The following SERPINI1 variants were observed in gnomAD, a reference collection of about 807,000 sequenced individuals.
SERPINI1 encodes serpin family I member 1.
SERPINI1 carries 19 observed loss-of-function variants against 41.1 expected under a neutral mutation model. That is an observed-to-expected ratio of 0.46 (90% CI 0.32 to 0.68). The LOEUF (loss-of-function observed/expected upper bound fraction) is 0.68, where lower values mean the gene tolerates loss of function less well. SERPINI1 is among the 30% of genes least tolerant of loss of function. The probability of loss-of-function intolerance (pLI) is 0.03; values close to 1 mark genes in which losing one functional copy is unlikely to be tolerated. For missense variants in SERPINI1, 460 were observed against 479.2 expected, an observed-to-expected ratio of 0.96 and a Z score of 0.37; for synonymous variants, 138 against 156.6, an observed-to-expected ratio of 0.88 and a Z score of 0.89.
chr3:167,751,093 GC>G lies in SERPINI1; in HGVS notation c.-19+15271del, dbSNP rs532104920. Among the ~76,000 whole-genome samples, 8 of 152,134 alleles carry G rather than the reference GC, an allele frequency of 5.3e-5. No individual in the cohort carries two copies. In the South Asian group the frequency reaches 1.7e-3, roughly 32 times the overall value. On this transcript the variant is annotated intron_variant, in intron 1 of 8. Coordinates refer to ENST00000446050, the MANE Select transcript of SERPINI1 (RefSeq NM_001122752.2). ...ACTTTAAATTAGGCATTTCAAACTGGCAGTTTGACAGACTGAAATCTTTCTG... is the reference window on the plus strand; with the variant it reads ...ACTTTAAATTAGGCATTTCAAACTGGAGTTTGACAGACTGAAATCTTTCTG...
rs761573883 is a variant in SERPINI1 at position 167,807,391 on chromosome 3, T to C, written c.979+50T>C. On this transcript the variant is annotated intron_variant, in intron 6 of 8. Transcript: ENST00000446050. Reference sequence around the variant, plus strand: ...AAAATGTTATTCCATAAGAGCTTTATTAAATGATGATATTAAATCCTCTAT... The same window carrying C: ...AAAATGTTATTCCATAAGAGCTTTACTAAATGATGATATTAAATCCTCTAT... The C allele has an allele frequency of 3.4e-6, 4 of 1,175,886 alleles. No homozygotes were observed. The East Asian group carries it at 9.4e-5, about 28-fold the overall frequency. 72.8% of individuals were successfully genotyped at this position (1,175,886 alleles called of 1,614,324 possible). A position where few individuals can be genotyped will look rare whatever the true frequency, so the allele number is the denominator to read the frequency against.
chr3:167,762,675 C>CA (rs1553771995), intron 1 of SERPINI1, among the ~76,000 whole-genome samples: 1 of 152,070 alleles, frequency 6.6e-6, no homozygotes, highest in Non-Finnish European at 1.5e-5. Flanking sequence ...AACCTTTGTT[C>CA]AAAAATCACC....
chr3:167,752,720 G>GC (rs537413399), intron 1 of SERPINI1, among the ~76,000 whole-genome samples: 1 of 151,872 alleles, frequency 6.6e-6, no homozygotes, highest in Non-Finnish European at 1.5e-5. Flanking sequence ...AGATAACCTA[G>GC]CCCCTACCTC....
Position 167,756,461 on chromosome 3 carries a change from C to CTTTGTT in SERPINI1, c.-19+20660_-19+20665dup, listed in dbSNP as rs1046079109. Among the ~76,000 whole-genome samples, 285 of 152,118 alleles carry CTTTGTT rather than the reference C, an allele frequency of 1.9e-3. 2 individuals are homozygous for CTTTGTT. Among genetic ancestry groups the CTTTGTT allele is most frequent in the African/African-American group, 6.0e-3 (249 of 41,498 alleles). ...TACAGGCATGCACCACCACATTCAT[C>CTTTGTT]TTTGTTTTTGTTTTTGTTTTTGTTT... On this transcript the variant is annotated intron_variant, in intron 1 of 8. Transcript: ENST00000446050.
intron 1 of SERPINI1, among the ~76,000 whole-genome samples, chr3:167,764,744 A>T (rs1726505635): frequency 6.6e-6 from 1 of 152,358 alleles, no homozygotes; most frequent in East Asian, 1.9e-4. Context: ...CCTTCTACCT[A>T]TGAGCTTGTA....
At chr3:167,772,883 T>TATATATATATAC (rs1262266346) in intron 1 of SERPINI1, among the ~76,000 whole-genome samples, 1 of 70,946 alleles carries the variant, frequency 1.4e-5, no homozygotes, top group Non-Finnish European at 2.6e-5. Flanking sequence ...TATATATATA[T>TATATATATATAC]ATATATATAT....
rs1352689453 is a variant in SERPINI1 at position 167,802,796 on chromosome 3, T to C, written c.882-4448T>C. ...TACTGGGTATATACCCAAAGGACTA[T>C]AAATCATGCTGCTATAAAGACACAT... On this transcript the variant is annotated intron_variant, in intron 5 of 8. Transcript: ENST00000446050. 9.3e-5 allele frequency among the ~76,000 whole-genome samples: 14 copies of C among 150,538 alleles called. No individual in the cohort carries two copies. In the South Asian group the frequency reaches 2.6e-3, roughly 28 times the overall value.
chr3:167,818,921 C>G (rs184702937), intron 6 of SERPINI1, among the ~76,000 whole-genome samples: 1 of 152,128 alleles, frequency 6.6e-6, no homozygotes, highest in Non-Finnish European at 1.5e-5. Context: ...TTGAGGAGAA[C>G]CCCTTTTAGA....
At chr3:167,766,067 C>A (rs2108542686) in intron 1 of SERPINI1, among the ~76,000 whole-genome samples, 1 of 152,220 alleles carries the variant, frequency 6.6e-6, no homozygotes, top group African/African-American at 2.4e-5. Context: ...CTGAGCCCTC[C>A]AAACTTTTCC....
intron 1 of SERPINI1, among the ~76,000 whole-genome samples, chr3:167,740,678 A>G (rs1725649865): frequency 6.6e-6 from 1 of 152,202 alleles, no homozygotes; most frequent in Non-Finnish European, 1.5e-5. Flanking sequence ...AAATGAGTAG[A>G]ACAAATTTTG....
At chr3:167,771,834 C>CGTGT (rs72112020) in intron 1 of SERPINI1, among the ~76,000 whole-genome samples, 3,042 of 143,792 alleles carry the variant, frequency 0.021, 127 homozygotes, top group African/African-American at 0.076. Context: ...TGTGTGTGCG[C>CGTGT]GTGTGTGTGT....
At chr3:167,825,174 G>A in intron 8 of SERPINI1, 73 bp from the exon 9 acceptor site, 1 of 972,350 alleles carries the variant, frequency 1.0e-6, no homozygotes, top group Admixed American at 1.7e-5. Context: ...TTCATTAATT[G>A]TAAGCAAGAA....
intron 6 of SERPINI1, among the ~76,000 whole-genome samples, chr3:167,808,525 AAG>A (rs1489032234): frequency 2.6e-5 from 4 of 152,322 alleles, no homozygotes; most frequent in Non-Finnish European, 5.9e-5. Flanking sequence ...ATTAAGATAA[AAG>A]AAACTCAACA....
intron 1 of SERPINI1, among the ~76,000 whole-genome samples, chr3:167,750,500 A>G (rs1045295307): frequency 2.0e-5 from 3 of 152,212 alleles, no homozygotes; most frequent in African/African-American, 4.8e-5. Flanking sequence ...TGTGAAGGCT[A>G]TTATTAGTAT....
chr3:167,787,751 A>G (rs932815905), intron 1 of SERPINI1, among the ~76,000 whole-genome samples: 12 of 152,202 alleles, frequency 7.9e-5, no homozygotes, highest in Non-Finnish European at 1.8e-4. Context: ...AGGAGGGTGA[A>G]GGGGTGAGGG....
At chr3:167,753,098 C>T (rs942488646) in intron 1 of SERPINI1, among the ~76,000 whole-genome samples, 1 of 152,090 alleles carries the variant, frequency 6.6e-6, no homozygotes, top group Non-Finnish European at 1.5e-5. Flanking sequence ...GCCCAGTACA[C>T]AGTGGATGCT....
rs572578756 is a variant in SERPINI1, at chr3:167,765,058, G to C, written c.-18-24053G>C. On this transcript the variant is annotated intron_variant, in intron 1 of 8. Coordinates refer to ENST00000446050, the MANE Select transcript of SERPINI1 (RefSeq NM_001122752.2). ...CTTCACAAGCTAGCATTGAGTGTCT[G>C]TGGCTTTTCCAGGCACACAGTGCAA... Among the ~76,000 whole-genome samples the C allele has an allele frequency of 3.3e-5, 5 of 152,306 alleles. No individual in the cohort carries two copies. The South Asian group carries it at 1.0e-3, about 32-fold the overall frequency.
chr3:167,785,542 G>A (rs1415561870), intron 1 of SERPINI1, among the ~76,000 whole-genome samples: 1 of 152,022 alleles, frequency 6.6e-6, no homozygotes, highest in African/African-American at 2.4e-5. Flanking sequence ...TGTGACTTTG[G>A]GCAAATTCCT....
At chr3:167,738,622 T>G (rs910702882) in intron 1 of SERPINI1, among the ~76,000 whole-genome samples, 2 of 151,970 alleles carry the variant, frequency 1.3e-5, no homozygotes, top group African/African-American at 4.8e-5. Context: ...TGTAGAGGCC[T>G]GTATTCATAC....
Sources: gnomAD v4.1 joint callset for allele counts (sites outside exome capture counted in the v4.1 genomes callset) on GRCh38, gnomAD v4.1.1 for gene constraint, MANE v1.5 for transcripts, NCBI Gene and HGNC (gene_info 2026-07-23, HGNC 2026-07-21) for gene names.